Variants in SNX29 observed in about 807,000 individuals in gnomAD.
SNX29 encodes the protein sorting nexin-29.
Under a neutral mutation model 102.1 loss-of-function variants are expected in SNX29, and 78 were observed. The ratio of observed to expected loss-of-function variants is 0.76; its 90% CI spans 0.64 to 0.92. SNX29 has a LOEUF of 0.92. Among genes scored for constraint, SNX29 ranks in the 40% least tolerant of loss-of-function variants. The pLI, the probability that SNX29 is intolerant of heterozygous loss-of-function variation, is 0.00. For synonymous variants in SNX29, 580 were observed against 414.5 expected, an observed-to-expected ratio of 1.40 and a Z score of -4.85; for missense variants, 1,280 against 1,061.7, an observed-to-expected ratio of 1.21 and a Z score of -2.86.
At chr16:12,319,675 C>T (rs896915698) in intron 15 of SNX29, among the ~76,000 whole-genome samples, 7 of 152,090 alleles carry the variant, frequency 4.6e-5, no homozygotes, top group African/African-American at 1.7e-4. Context: ...GGAAACTGAC[C>T]CGCCAGGAGG....
intron 14 of SNX29, among the ~76,000 whole-genome samples, chr16:12,277,141 A>G (rs1376001765): frequency 6.6e-6 from 1 of 152,162 alleles, no homozygotes; most frequent in Non-Finnish European, 1.5e-5. Flanking sequence ...TAGTCTCAGC[A>G]CTTTGGGAAG....
At chr16:12,243,898 T>C (rs2078185173) in intron 14 of SNX29, among the ~76,000 whole-genome samples, 3 of 152,216 alleles carry the variant, frequency 2.0e-5, no homozygotes, top group Admixed American at 6.5e-5. Context: ...TCAGCATGTC[T>C]GGAACCATTG....
At chr16:12,014,965 C>G (rs1387179452) in intron 3 of SNX29, among the ~76,000 whole-genome samples, 1 of 151,892 alleles carries the variant, frequency 6.6e-6, no homozygotes, top group African/African-American at 2.4e-5. Context: ...ACTTTTTGGT[C>G]AACTATTTTT....
chr16:12,479,637 A>T (rs1026435898), intron 19 of SNX29, among the ~76,000 whole-genome samples: 1 of 152,170 alleles, frequency 6.6e-6, no homozygotes, highest in Admixed American at 6.5e-5. Flanking sequence ...AAGAGGGGAA[A>T]ATTATATATT....
At chr16:12,104,063 A>T (rs2053131059) in intron 11 of SNX29, among the ~76,000 whole-genome samples, 1 of 152,182 alleles carries the variant, frequency 6.6e-6, no homozygotes, top group Non-Finnish European at 1.5e-5. Flanking sequence ...ATTCCAGATG[A>T]GGCAGCAGAA....
chr16:12,416,749 G>C (rs1374213299), intron 18 of SNX29, among the ~76,000 whole-genome samples: 2 of 152,122 alleles, frequency 1.3e-5, no homozygotes, highest in Admixed American at 1.3e-4. Flanking sequence ...GAGAGAGGAG[G>C]AGGTGTTACT....
At chr16:12,469,311 T>G (rs2087224877) in intron 18 of SNX29, among the ~76,000 whole-genome samples, 1 of 152,254 alleles carries the variant, frequency 6.6e-6, no homozygotes, top group Non-Finnish European at 1.5e-5. Flanking sequence ...AATTCAGGCA[T>G]TTTGTTCTAG....
intron 20 of SNX29, among the ~76,000 whole-genome samples, chr16:12,563,419 T>C (rs1267890152): frequency 1.3e-5 from 2 of 152,226 alleles, no homozygotes; most frequent in African/African-American, 4.8e-5. Context: ...CTGGATTTTG[T>C]TCCTTGCGGT....
At chr16:12,228,508 G>C (rs886353491) in intron 14 of SNX29, among the ~76,000 whole-genome samples, 1 of 152,196 alleles carries the variant, frequency 6.6e-6, no homozygotes, top group African/African-American at 2.4e-5. Context: ...TTACAACACA[G>C]AGCTTTCTTT....
intron 20 of SNX29, among the ~76,000 whole-genome samples, chr16:12,537,030 C>T (rs956904159): frequency 2.0e-5 from 3 of 152,128 alleles, no homozygotes; most frequent in African/African-American, 7.2e-5. Flanking sequence ...CGGGGGAGCA[C>T]ACAGCAAGCA....
At chr16:12,492,116 C>A (rs1351942901) in intron 19 of SNX29, among the ~76,000 whole-genome samples, 1 of 152,220 alleles carries the variant, frequency 6.6e-6, no homozygotes, top group Non-Finnish European at 1.5e-5. Context: ...CTGACTTCCA[C>A]AATGGTTGAA....
In SNX29 at chr16:12,572,431, T is replaced by C. The variant is rs2079206591; in HGVS notation, c.*3802T>C. ...CTCTGTGGCCCAGGCCGGCAGTGGC[T>C]GCCTCTCTTGGTTCTGCATGGTACA... On this transcript the variant is annotated 3_prime_UTR_variant, in exon 21 of 21. Transcript: ENST00000566228. The C allele has an allele frequency of 9.4e-7, 1 of 1,063,384 alleles. No individual in the cohort carries two copies. The highest frequency in any genetic ancestry group is 1.1e-6 in the Non-Finnish European group (1 of 878,030). 65.9% of individuals were successfully genotyped at this position (1,063,384 alleles called of 1,614,324 possible). A position where few individuals can be genotyped will look rare whatever the true frequency, so the allele number is the denominator to read the frequency against.
At chr16:12,026,353 A>G (rs897938085) in intron 3 of SNX29, among the ~76,000 whole-genome samples, 34 of 152,218 alleles carry the variant, frequency 2.2e-4, no homozygotes, top group Admixed American at 1.0e-3. Flanking sequence ...TGCTAGAAAC[A>G]TGCACATGAG....
In SNX29 at chr16:12,572,451, G is replaced by C. The variant is rs1023200328; in HGVS notation, c.*3822G>C. ...GTGGCTGCCTCTCTTGGTTCTGCAT[G>C]GTACATTTTGCCAACCCTGAGGACC... On this transcript the variant is annotated 3_prime_UTR_variant, in exon 21 of 21. Transcript: ENST00000566228. 2 of 1,063,316 alleles carry C rather than the reference G, an allele frequency of 1.9e-6. No homozygotes were observed. The highest frequency in any genetic ancestry group is 3.3e-5 in the African/African-American group (2 of 60,942). 65.9% of individuals were successfully genotyped at this position (1,063,316 alleles called of 1,614,324 possible).
At chr16:11,993,648 G>T (rs192117027) in intron 1 of SNX29, among the ~76,000 whole-genome samples, 1 of 152,290 alleles carries the variant, frequency 6.6e-6, no homozygotes, top group African/African-American at 2.4e-5. Context: ...TGATCACATG[G>T]CTGGTGGAGT....
chr16:12,482,052 C>T (rs576194503), intron 19 of SNX29, among the ~76,000 whole-genome samples: 1 of 152,318 alleles, frequency 6.6e-6, no homozygotes, highest in East Asian at 1.9e-4. Flanking sequence ...ATGCTGGCCT[C>T]ACTGGGCCTA....
At chr16:12,440,575 C>T (rs1478168854) in intron 18 of SNX29, among the ~76,000 whole-genome samples, 1 of 152,094 alleles carries the variant, frequency 6.6e-6, no homozygotes, top group Admixed American at 6.5e-5. Context: ...GTTATTTTTC[C>T]TGATCCTCTC....
At chr16:12,199,202 T>C (rs1028872570) in intron 13 of SNX29, among the ~76,000 whole-genome samples, 2 of 152,176 alleles carry the variant, frequency 1.3e-5, no homozygotes, top group South Asian at 4.1e-4. Context: ...GATAAAAGTA[T>C]TAAGAGCATT....
intron 19 of SNX29, among the ~76,000 whole-genome samples, chr16:12,520,153 C>T (rs1296253509): frequency 2.0e-5 from 3 of 152,302 alleles, no homozygotes; most frequent in East Asian, 3.9e-4. Context: ...AGGGTGTCTG[C>T]ACCTCTAGGG....
Sources: allele counts gnomAD v4.1 joint callset (sites outside exome capture counted in the v4.1 genomes callset), GRCh38; gene constraint gnomAD v4.1.1; transcripts MANE v1.5; gene names NCBI Gene and HGNC (gene_info 2026-07-23, HGNC 2026-07-21).